SYNPO2: variants seen among roughly 807,000 people sequenced by gnomAD.
SYNPO2 encodes synaptopodin 2, also known as synaptopodin-2.
Under a neutral mutation model 85.0 loss-of-function variants are expected in SYNPO2, and 56 were observed. The ratio of observed to expected loss-of-function variants is 0.66; its 90% confidence interval spans 0.53 to 0.82. The LOEUF is 0.82. Among genes scored for constraint, SYNPO2 ranks in the 40% least tolerant of loss-of-function variants. The pLI is 0.00. For missense variants in SYNPO2, 1,575 were observed against 1,534.2 expected (o/e 1.03, Z -0.44); for synonymous variants, 602 against 591.1 (o/e 1.02, Z -0.27).
chr4:118,956,509 T>C (rs1734881433), intron 1 of SYNPO2, among the ~76,000 whole-genome samples: 1 of 152,252 alleles, frequency 6.6e-6, no homozygotes, highest in South Asian at 2.1e-4. Context: ...ATTTTTATTT[T>C]GTGAAAATCA....
chr4:118,874,461 T>G (rs1731864662), intron 1 of SYNPO2, among the ~76,000 whole-genome samples: 1 of 152,202 alleles, frequency 6.6e-6, no homozygotes, highest in South Asian at 2.1e-4. Flanking sequence ...GTGTGACATA[T>G]ATTTAAAAAA....
intron 1 of SYNPO2, among the ~76,000 whole-genome samples, chr4:118,903,841 C>T (rs1339672343): frequency 2.0e-5 from 3 of 151,746 alleles, no homozygotes; most frequent in African/African-American, 7.3e-5. Flanking sequence ...CCTCCCGAGT[C>T]GCTGGGATTT....
At chr4:118,953,403 A>C (rs981186513) in intron 1 of SYNPO2, among the ~76,000 whole-genome samples, 4 of 152,222 alleles carry the variant, frequency 2.6e-5, no homozygotes, top group Admixed American at 1.3e-4. Context: ...CAGGGCAGTG[A>C]TGACTTAGTC....
intron 1 of SYNPO2, among the ~76,000 whole-genome samples, chr4:118,994,353 C>A (rs1358804630): frequency 6.6e-6 from 1 of 152,220 alleles, no homozygotes; most frequent in Non-Finnish European, 1.5e-5. Context: ...GGAGAGGTTT[C>A]CTAGGCGGGT....
intron 1 of SYNPO2, among the ~76,000 whole-genome samples, chr4:118,851,511 G>A (rs114168088): frequency 0.041 from 6,279 of 152,016 alleles, 198 homozygotes; most frequent in Non-Finnish European, 0.064. Context: ...AAACAAAAAC[G>A]AAGATTGAGG....
At chr4:119,017,152 T>C (rs1170854995) in intron 1 of SYNPO2, among the ~76,000 whole-genome samples, 3 of 152,168 alleles carry the variant, frequency 2.0e-5, no homozygotes, top group Non-Finnish European at 4.4e-5. Flanking sequence ...GTAGTGTCTG[T>C]TTGAATTTAC....
At position 118,868,958 on chromosome 4, in the gene SYNPO2, A is replaced by T. The variant is rs567626548; in HGVS notation, c.12+18018A>T. Among the ~76,000 whole-genome samples the T allele has an allele frequency of 1.1e-4, 16 of 152,232 alleles. No homozygotes were observed. The South Asian group carries it at 2.9e-3, about 28-fold the overall frequency. On this transcript the variant is annotated intron_variant, in intron 1 of 4. Coordinates refer to the SYNPO2 transcript ENST00000610556. ...ACTGATTCCAGCATGACCGCAGGAGATGTGCTTGCCTGGCTGCCTGTTGTC... is the reference window on the plus strand; with the variant it reads ...ACTGATTCCAGCATGACCGCAGGAGTTGTGCTTGCCTGGCTGCCTGTTGTC...
intron 1 of SYNPO2, among the ~76,000 whole-genome samples, chr4:118,892,897 G>A (rs1208545757): frequency 2.6e-5 from 4 of 151,950 alleles, no homozygotes; most frequent in African/African-American, 9.7e-5. Context: ...TGTTCTTTAA[G>A]ATTTTGAATA....
intron 1 of SYNPO2, among the ~76,000 whole-genome samples, chr4:118,879,342 GTTT>G (rs754470015): frequency 7.9e-5 from 12 of 152,172 alleles, no homozygotes; most frequent in Non-Finnish European, 1.3e-4. Flanking sequence ...GGAACTGAAC[GTTT>G]TTGTCTCCCC....
At chr4:118,978,101 G>T (rs1177072748) in intron 1 of SYNPO2, among the ~76,000 whole-genome samples, 1 of 152,154 alleles carries the variant, frequency 6.6e-6, no homozygotes, top group African/African-American at 2.4e-5. Context: ...TGAATTCCTT[G>T]AAAACGTCAA....
At chr4:119,055,545 A>G (rs886907100) in intron 4 of SYNPO2, among the ~76,000 whole-genome samples, 1 of 152,260 alleles carries the variant, frequency 6.6e-6, no homozygotes, top group African/African-American at 2.4e-5. Context: ...GGACTTTATC[A>G]TCTTTAAGTC....
chr4:118,995,400 C>T (rs1322680785), intron 1 of SYNPO2, among the ~76,000 whole-genome samples: 3 of 152,152 alleles, frequency 2.0e-5, no homozygotes, highest in African/African-American at 7.2e-5. Context: ...ATACCTATCA[C>T]TGTGATGGGT....
chr4:118,952,155 A>G (rs1423943851), intron 1 of SYNPO2, among the ~76,000 whole-genome samples: 3 of 152,204 alleles, frequency 2.0e-5, no homozygotes, highest in Non-Finnish European at 4.4e-5. Flanking sequence ...CAGGGACTGG[A>G]AATCCCCTTG....
intron 1 of SYNPO2, among the ~76,000 whole-genome samples, chr4:118,900,719 ATATATATATATATGTC>A (rs1277270543): frequency 1.6e-5 from 2 of 121,880 alleles, no homozygotes; most frequent in South Asian, 3.0e-4. Context: ...ATATATATAT[ATATATATATATATGTC>A]TGTCTGTCTA....
At position 118,974,600 on chromosome 4, in the gene SYNPO2, C is replaced by T. The variant is rs1735654062; in HGVS notation, c.106-48830C>T. 3.3e-5 allele frequency among the ~76,000 whole-genome samples: 5 copies of T among 152,296 alleles called. No individual in the cohort carries two copies. The South Asian group carries it at 1.0e-3, about 32-fold the overall frequency. On this transcript the variant is annotated intron_variant, in intron 1 of 4. Transcript: ENST00000307142. ...ACACATCCCTTTGCTTGGATACTTG[C>T]TAGCAATGTTCTCACATACAATCAA...
At chr4:119,048,846 T>C (rs147064514) in intron 4 of SYNPO2, among the ~76,000 whole-genome samples, 1 of 152,288 alleles carries the variant, frequency 6.6e-6, no homozygotes, top group East Asian at 1.9e-4. Flanking sequence ...GTCTTGTAGG[T>C]CAATGAAAGG....
chr4:119,031,442 T>C lies in SYNPO2; in HGVS notation c.2667T>C (p.Asp889=). ...CGAGAATGGAGAAGTATGTGGTCGATTCAGACACGGTGCAGGCCCACGCTG... is the reference window on the plus strand; with the variant it reads ...CGAGAATGGAGAAGTATGTGGTCGACTCAGACACGGTGCAGGCCCACGCTG... ...RQSRMEKYVV[D]SDTVQAHAAR... Residue 889 remains aspartate, a synonymous_variant, in exon 4 of 5, where the codon GAT becomes GAC. Coordinates refer to ENST00000307142, the MANE Select transcript of SYNPO2 (RefSeq NM_133477.3). 5 of 1,614,132 alleles carry C rather than the reference T, an allele frequency of 3.1e-6. No homozygotes were observed. Among genetic ancestry groups the C allele is most frequent in the Non-Finnish European group, 4.2e-6 (5 of 1,180,022 alleles).
intron 1 of SYNPO2, among the ~76,000 whole-genome samples, chr4:118,938,934 C>G (rs1578567796): frequency 2.0e-5 from 3 of 152,082 alleles, no homozygotes; most frequent in East Asian, 3.9e-4. Context: ...CTTTTTTACT[C>G]TCTATATTCA....
At chr4:119,022,514 T>TG (rs1737763008) in intron 1 of SYNPO2, among the ~76,000 whole-genome samples, 1 of 101,534 alleles carries the variant, frequency 9.8e-6, no homozygotes, top group South Asian at 3.0e-4. Context: ...TTTTGTAGGT[T>TG]TTTTTTTTTT....
Sources: allele counts gnomAD v4.1 joint callset (sites outside exome capture counted in the v4.1 genomes callset), GRCh38; gene constraint gnomAD v4.1.1; transcripts MANE v1.5; gene names NCBI Gene and HGNC (gene_info 2026-07-23, HGNC 2026-07-21).